CPEB3: variants seen among roughly 807,000 people sequenced by gnomAD.
CPEB3 encodes cytoplasmic polyadenylation element binding protein 3, also known as cytoplasmic polyadenylation element-binding protein 3.
In CPEB3, 20 loss-of-function variants were observed where a neutral mutation model predicts 67.2. The ratio of observed to expected loss-of-function variants is 0.30; its 90% CI spans 0.21 to 0.43. CPEB3 has a LOEUF of 0.43. CPEB3 is among the 20% of genes least tolerant of loss of function. The pLI, the probability that CPEB3 is intolerant of heterozygous loss-of-function variation, is 1.00. For missense variants in CPEB3, 746 were observed against 968.6 expected, an observed-to-expected ratio of 0.77 and a Z score of 3.05; for synonymous variants, 376 against 393.1, an observed-to-expected ratio of 0.96 and a Z score of 0.51.
At chr10:92,162,358 C>T (rs531536852) in intron 4 of CPEB3, among the ~76,000 whole-genome samples, 5 of 151,944 alleles carry the variant, frequency 3.3e-5, no homozygotes, top group Non-Finnish European at 5.9e-5. Context: ...ATTTGTGATA[C>T]TACATTGAGC....
chr10:92,286,402 T>C lies in CPEB3; in HGVS notation c.-12+4524A>G, dbSNP rs185629413. 4.1e-3 allele frequency among the ~76,000 whole-genome samples: 624 copies of C among 151,900 alleles called. 5 individuals carry two copies. Among genetic ancestry groups the C allele is most frequent in the African/African-American group, 0.013 (559 of 41,444 alleles). ...GAGTTCAAGACCAGCCTGGGCAACA[T>C]GGAGAAACCTCATCTCTACTAAAAA... is the stretch of plus-strand genomic sequence containing the variant. On this transcript the variant is annotated intron_variant, in intron 1 of 9. Transcript: ENST00000265997.
intron 1 of CPEB3, among the ~76,000 whole-genome samples, chr10:92,264,651 G>A (rs1035249616): frequency 7.9e-5 from 12 of 151,758 alleles, no homozygotes; most frequent in African/African-American, 2.9e-4. Context: ...GGGAGGCAGA[G>A]GTTGCAGTGA....
intron 4 of CPEB3, among the ~76,000 whole-genome samples, chr10:92,170,375 G>T (rs1590294712): frequency 6.6e-6 from 1 of 152,190 alleles, no homozygotes; most frequent in Non-Finnish European, 1.5e-5. Context: ...AACAGAAAAA[G>T]ATAATTAAAA....
At chr10:92,289,113 C>G (rs777000187) in intron 1 of CPEB3, among the ~76,000 whole-genome samples, 1 of 151,810 alleles carries the variant, frequency 6.6e-6, no homozygotes, top group Non-Finnish European at 1.5e-5. Flanking sequence ...CATGGTGGTG[C>G]GAGCCTGTAA....
chr10:92,159,411 T>C (rs1364713939), intron 4 of CPEB3, among the ~76,000 whole-genome samples: 1 of 151,072 alleles, frequency 6.6e-6, no homozygotes, highest in Admixed American at 6.6e-5. Flanking sequence ...GTGGCTCACG[T>C]TTGTAATCCC....
At chr10:92,130,056 C>A (rs893955269) in intron 6 of CPEB3, among the ~76,000 whole-genome samples, 2 of 151,686 alleles carry the variant, frequency 1.3e-5, no homozygotes, top group African/African-American at 4.8e-5. Context: ...AAACAAAAAA[C>A]AAATTACAGC....
intron 1 of CPEB3, among the ~76,000 whole-genome samples, chr10:92,273,927 GC>G (rs1256074117): frequency 6.6e-6 from 1 of 152,112 alleles, no homozygotes; most frequent in Non-Finnish European, 1.5e-5. Flanking sequence ...CTAACATGCA[GC>G]AACTTCTTTT....
chr10:92,142,933 T>G (rs1447828626), intron 6 of CPEB3, 96 bp downstream of exon 6: 2 of 780,128 alleles, frequency 2.6e-6, no homozygotes, highest in Non-Finnish European at 4.2e-6. Flanking sequence ...GGGAAAAAAT[T>G]CAACAGCTAT....
At chr10:92,090,529 G>A (rs1195480262) in intron 8 of CPEB3, among the ~76,000 whole-genome samples, 1 of 152,182 alleles carries the variant, frequency 6.6e-6, no homozygotes, top group South Asian at 2.1e-4. Flanking sequence ...GCAACAGAGC[G>A]AGACTCCATC....
rs112210210 is a variant in CPEB3, at chr10:92,104,238, C to T, written c.1572+6838G>A. Among the ~76,000 whole-genome samples, 354 of 152,206 alleles carry T rather than the reference C, an allele frequency of 2.3e-3. 1 individual carries two copies. Among genetic ancestry groups the T allele is most frequent in the African/African-American group, 7.5e-3 (311 of 41,518 alleles). ...TTACCATTATGAGGAAACCTTTTGT[C>T]GAAGATCCTCTCAAGAGATTAGTCT... On this transcript the variant is annotated intron_variant, in intron 7 of 9. Coordinates refer to ENST00000265997, the MANE Select transcript of CPEB3 (RefSeq NM_014912.5).
At chr10:92,232,768 A>AG (rs1851334838) in intron 2 of CPEB3, among the ~76,000 whole-genome samples, 1 of 152,124 alleles carries the variant, frequency 6.6e-6, no homozygotes, top group East Asian at 1.9e-4. Flanking sequence ...AAAAAAAAAA[A>AG]AAAAATACAT....
rs149972281 is a variant in CPEB3, at chr10:92,199,805, A to G, written c.1006-7169T>C. Among the ~76,000 whole-genome samples the G allele has an allele frequency of 1.8e-3, 274 of 152,116 alleles. 1 individual carries two copies. The highest frequency in any genetic ancestry group is 6.4e-3 in the African/African-American group (266 of 41,504). On this transcript the variant is annotated intron_variant, in intron 2 of 9. Coordinates refer to ENST00000265997, the MANE Select transcript of CPEB3 (RefSeq NM_014912.5). ...AAATATGTCAGGTCCCTTCTGCACTATAAACAGTTTAAGAGCAATGAAAAT... is the reference window on the plus strand; with the variant it reads ...AAATATGTCAGGTCCCTTCTGCACTGTAAACAGTTTAAGAGCAATGAAAAT...
At chr10:92,058,510 C>T (rs1382386470) in intron 9 of CPEB3, among the ~76,000 whole-genome samples, 1 of 151,908 alleles carries the variant, frequency 6.6e-6, no homozygotes, top group Non-Finnish European at 1.5e-5. Flanking sequence ...GATCGTGCCA[C>T]TGCACTCTGG....
intron 8 of CPEB3, among the ~76,000 whole-genome samples, chr10:92,086,746 T>C (rs1564766422): frequency 6.6e-6 from 1 of 152,186 alleles, no homozygotes; most frequent in African/African-American, 2.4e-5. Context: ...GGTTTTATGC[T>C]CTATAAGTAT....
chr10:92,271,721 A>T (rs1042618271), intron 1 of CPEB3, among the ~76,000 whole-genome samples: 1 of 152,222 alleles, frequency 6.6e-6, no homozygotes, highest in African/African-American at 2.4e-5. Flanking sequence ...AGTGTCTACC[A>T]GATTCGGCCA....
At chr10:92,244,443 TTTC>T (rs1851975107) in intron 1 of CPEB3, among the ~76,000 whole-genome samples, 1 of 140,618 alleles carries the variant, frequency 7.1e-6, no homozygotes, top group Admixed American at 7.2e-5. Flanking sequence ...TAGATACAGT[TTTC>T]TTTTTTTTTG....
In CPEB3 at chr10:92,166,194, C is replaced by T. The variant is rs938068997; in HGVS notation, c.1222+14769G>A. On this transcript the variant is annotated intron_variant, in intron 4 of 9. Transcript: ENST00000265997. Reference sequence around the variant, plus strand: ...CGTGATCTCGGCTCACTGCCACTTCCGTCTCCCGGGTTCAAGTGATTCTCC... The same window carrying T: ...CGTGATCTCGGCTCACTGCCACTTCTGTCTCCCGGGTTCAAGTGATTCTCC... 1.4e-4 allele frequency among the ~76,000 whole-genome samples: 22 copies of T among 151,888 alleles called. No homozygotes were observed. The East Asian group carries it at 3.1e-3, about 21-fold the overall frequency.
intron 7 of CPEB3, among the ~76,000 whole-genome samples, chr10:92,104,601 A>G (rs1428438767): frequency 1.3e-5 from 2 of 151,800 alleles, no homozygotes; most frequent in African/African-American, 2.4e-5. Flanking sequence ...GTTAGCCAGG[A>G]CGGTCTCGAT....
At chr10:92,286,507 C>G (rs1455024743) in intron 1 of CPEB3, among the ~76,000 whole-genome samples, 3 of 151,330 alleles carry the variant, frequency 2.0e-5, no homozygotes, top group African/African-American at 4.9e-5. Flanking sequence ...ATCTCTTGAA[C>G]CTGGGAGTGG....
Sources: gnomAD v4.1 joint callset for allele counts (sites outside exome capture counted in the v4.1 genomes callset) on GRCh38, gnomAD v4.1.1 for gene constraint, MANE v1.5 for transcripts, NCBI Gene and HGNC (gene_info 2026-07-23, HGNC 2026-07-21) for gene names.